The following VIM variants were observed in gnomAD, a reference collection of about 807,000 sequenced individuals.
VIM encodes the protein vimentin.
A neutral mutation model predicts 50.3 loss-of-function variants in VIM; 18 were observed. The ratio of observed to expected loss-of-function variants is 0.36; its 90% confidence interval spans 0.25 to 0.53. The LOEUF is 0.53. Among genes scored for constraint, VIM ranks in the 20% least tolerant of loss-of-function variants. VIM has a pLI of 0.91. For synonymous variants in VIM, 245 were observed against 248.5 expected (o/e 0.99, Z 0.13); for missense variants, 551 against 614.7 (o/e 0.90, Z 1.10).
intron 3 of VIM, among the ~76,000 whole-genome samples, chr10:17,231,706 A>G (rs945914606): frequency 6.6e-6 from 1 of 152,132 alleles, no homozygotes; most frequent in African/African-American, 2.4e-5. Flanking sequence ...CTCTTGCCAT[A>G]AAAAATAATA....
intron 3 of VIM, chr10:17,233,235 A>G (rs886533300): frequency 1.2e-5 from 4 of 334,688 alleles, no homozygotes; most frequent in Non-Finnish European, 2.3e-5. Flanking sequence ...GGCATAAGCC[A>G]CCATGACCAG....
At chr10:17,229,021 C>G (rs1346355850) in intron 1 of VIM, 1 of 285,770 alleles carries the variant, frequency 3.5e-6, no homozygotes, top group African/African-American at 2.3e-5. Context: ...TTTTTCAGCA[C>G]CCCAGGGTGA....
rs1257540470 is a variant in VIM at position 17,233,830 on chromosome 10, T to G, written c.781T>G (p.Ser261Ala). Residue 261 changes from serine (S) to alanine (A), a missense_variant, in exon 5 of 10, where the codon TCC becomes GCC. Ser to Ala is a moderately conservative substitution (Grantham distance 99, BLOSUM62 1). Coordinates refer to ENST00000544301, the MANE Select transcript of VIM (RefSeq NM_003380.5). ...GCATGTCCAAATCGATGTGGATGTTTCCAAGCCTGACCTCACGGCTGCCCT... is the reference window on the plus strand; with the variant it reads ...GCATGTCCAAATCGATGTGGATGTTGCCAAGCCTGACCTCACGGCTGCCCT... ...EQHVQIDVDVSKPDLTAALRD... is the reference protein window; with the variant it reads ...EQHVQIDVDVAKPDLTAALRD... The G allele has an allele frequency of 6.2e-7, 1 of 1,614,076 alleles. No individual in the cohort carries two copies. The highest frequency in any genetic ancestry group is 8.5e-7 in the Non-Finnish European group (1 of 1,180,046).
intron 9 of VIM, 107 bp from the exon 10 acceptor site, chr10:17,237,123 C>A: frequency 9.4e-7 from 1 of 1,061,796 alleles, no homozygotes; most frequent in Non-Finnish European, 1.4e-6. Context: ...CTGATTTGCA[C>A]AATAAATTAC....
At chr10:17,232,094 G>A (rs190774051) in intron 3 of VIM, among the ~76,000 whole-genome samples, 1 of 152,070 alleles carries the variant, frequency 6.6e-6, no homozygotes, top group African/African-American at 2.4e-5. Flanking sequence ...CCTCTGTTTC[G>A]AGATTAAGCA....
intron 5 of VIM, 105 bp downstream of exon 5, chr10:17,234,036 T>C: frequency 6.8e-7 from 1 of 1,479,922 alleles, no homozygotes; most frequent in Non-Finnish European, 9.2e-7. Context: ...AATGCAAAGC[T>C]GGCTTTGACT....
At position 17,231,221 on chromosome 10, in the gene VIM, G is replaced by A. The variant is rs546649050; in HGVS notation, c.624+511G>A. ...TGCCCTGCAGTTTAAAATGGAAAAC[G>A]TGTTGGAAGATAAGAAAACTTAGTT... is the stretch of plus-strand genomic sequence containing the variant. On this transcript the variant is annotated intron_variant, in intron 3 of 9. Transcript: ENST00000544301. 9.2e-4 allele frequency: 141 copies of A among 153,450 alleles called. 4 individuals carry two copies. The South Asian group carries it at 0.027, about 29-fold the overall frequency. 9.5% of individuals were successfully genotyped at this position (153,450 alleles called of 1,614,324 possible).
intron 3 of VIM, chr10:17,231,001 C>T (rs1305047156): frequency 5.1e-6 from 2 of 394,658 alleles, no homozygotes; most frequent in African/African-American, 2.1e-5. Context: ...CTCCCGGGTT[C>T]AAGCGATCCT....
intron 2 of VIM, 180 bp from the exon 3 acceptor site, chr10:17,230,469 CG>C: frequency 1.3e-6 from 1 of 759,760 alleles, no homozygotes; most frequent in Non-Finnish European, 2.4e-6. Context: ...CCCCTCTGCG[CG>C]GTGCCCGAAG....
chr10:17,237,212 G>A lies in VIM; in HGVS notation c.1360-18G>A. ...GGCATGTGGCATTATATTTATTTTG[G>A]TTTTTTTTTTTAAACAGGTTATCAA... On this transcript the variant is annotated intron_variant, in intron 9 of 9. Coordinates refer to ENST00000544301, the MANE Select transcript of VIM (RefSeq NM_003380.5). The A allele has an allele frequency of 7.9e-7, 1 of 1,271,202 alleles. No homozygotes were observed. 78.7% of individuals were successfully genotyped at this position (1,271,202 alleles called of 1,614,324 possible).
In VIM at chr10:17,236,301, T is replaced by C; in HGVS notation, c.1281T>C (p.Asn427=). 1.2e-6 allele frequency: 2 copies of C among 1,613,272 alleles called. No homozygotes were observed. The highest frequency in any genetic ancestry group is 1.7e-6 in the Non-Finnish European group (2 of 1,179,248). Residue 427 remains asparagine, a synonymous_variant, in exon 9 of 10, where the codon AAT becomes AAC. Coordinates refer to ENST00000544301, the MANE Select transcript of VIM (RefSeq NM_003380.5). ...GCCTGTTTGTTTATTTAGAAACTAA[T>C]CTGGATTCACTCCCTCTGGTTGATA... ...NFSSLNLRET[N]LDSLPLVDTH...
chr10:17,235,605 T>C, intron 7 of VIM: 2 of 700,850 alleles, frequency 2.9e-6, no homozygotes, highest in Non-Finnish European at 4.8e-6. Context: ...AACCCATAAC[T>C]CTGTCAAAGC....
intron 6 of VIM, 128 bp downstream of exon 6, chr10:17,234,946 T>A (rs1037091032): frequency 1.4e-4 from 200 of 1,425,760 alleles, no homozygotes; most frequent in Non-Finnish European, 1.6e-4. Context: ...AAATGAGTTA[T>A]CAAGACAGAC....
At chr10:17,233,007 G>A (rs895225298) in intron 3 of VIM, among the ~76,000 whole-genome samples, 7 of 152,194 alleles carry the variant, frequency 4.6e-5, no homozygotes, top group Non-Finnish European at 7.3e-5. Flanking sequence ...GAGTGCAGTG[G>A]CACTATGTTG....
Position 17,235,284 on chromosome 10 carries a change from A to G in VIM, c.1124A>G (p.Glu375Gly). The G allele has an allele frequency of 3.1e-6, 5 of 1,614,212 alleles. No individual in the cohort carries two copies. Among genetic ancestry groups the G allele is most frequent in the Non-Finnish European group, 4.2e-6 (5 of 1,180,032 alleles). Residue 375 changes from glutamate to glycine, a missense_variant, in exon 7 of 10, where the codon GAA becomes GGA. Physicochemically the swap from Glu to Gly is moderately conservative, Grantham distance 98. Coordinates refer to ENST00000544301, the MANE Select transcript of VIM (RefSeq NM_003380.5). ...GATGAGATTCAGAATATGAAGGAGGAAATGGCTCGTCACCTTCGTGAATAC... is the reference window on the plus strand; with the variant it reads ...GATGAGATTCAGAATATGAAGGAGGGAATGGCTCGTCACCTTCGTGAATAC... ...LQDEIQNMKE[E>G]MARHLREYQD...
Position 17,235,126 on chromosome 10 carries a change from TTTTCTGAGAAATAACACCAGACATC to T in VIM, c.1009-37_1009-13del. On this transcript the variant is annotated intron_variant, in intron 6 of 9. Transcript: ENST00000544301. ...TAAATGGTTCTGGGAACAGCTGGGT[TTTTCTGAGAAATAACACCAGACATC>T]TTTCTCACCCCCTGCAGAATGAGTC... is the stretch of plus-strand genomic sequence containing the variant. 6.2e-7 allele frequency: 1 copy of T among 1,609,678 alleles called. No homozygotes were observed. The highest frequency in any genetic ancestry group is 1.1e-5 in the South Asian group (1 of 90,930).
In VIM at chr10:17,229,268, G is replaced by A; in HGVS notation, c.-147-8G>A. On this transcript the variant is annotated splice_polypyrimidine_tract_variant and splice_region_variant and intron_variant, in intron 1 of 9. Transcript: ENST00000544301. ...GGTTATAAAAACAGCGCCCTCGGCG[G>A]GGTCCAGTCCTCTGCCACTCTCGCT... The A allele has an allele frequency of 2.8e-6, 2 of 724,648 alleles. No homozygotes were observed. Among genetic ancestry groups the A allele is most frequent in the Non-Finnish European group, 4.5e-6 (2 of 448,640 alleles). 44.9% of individuals were successfully genotyped at this position (724,648 alleles called of 1,614,324 possible).
In VIM at chr10:17,229,862, G is replaced by A; in HGVS notation, c.440G>A (p.Gly147Glu). The change falls in exon 2 of 10, where the codon GGG (glycine) becomes GAG (glutamate). Residue 147 changes from glycine to glutamate, a missense_variant. Around this residue, in one of 3 missense-constraint regions of VIM, gnomAD observed 394 missense variants for 437.5 expected, o/e 0.90. Transcript: ENST00000544301. The stretch of plus-strand genomic sequence containing the variant: ...AAGGGCCAAGGCAAGTCGCGCCTGG[G>A]GGACCTCTACGAGGAGGAGATGCGG... Reference protein sequence around the residue: ...QLKGQGKSRLGDLYEEEMREL... With the variant: ...QLKGQGKSRLEDLYEEEMREL... 6.2e-7 allele frequency: 1 copy of A among 1,608,740 alleles called. No homozygotes were observed. The highest frequency in any genetic ancestry group is 8.5e-7 in the Non-Finnish European group (1 of 1,177,914).
chr10:17,236,164 T>G (rs549717427), intron 8 of VIM, 130 bp from the exon 9 acceptor site: 18 of 853,710 alleles, frequency 2.1e-5, no homozygotes, highest in Non-Finnish European at 3.6e-5. Context: ...TACCCTAAAA[T>G]TATTTGGCGA....
Sources: allele counts gnomAD v4.1 joint callset (sites outside exome capture counted in the v4.1 genomes callset), GRCh38; gene constraint gnomAD v4.1.1; regional missense constraint gnomAD v4.1.1; transcripts MANE v1.5; gene names NCBI Gene and HGNC (gene_info 2026-07-23, HGNC 2026-07-21).